The following SOX6 variants were observed in gnomAD, a reference collection of about 807,000 sequenced individuals.
SOX6 encodes SRY-box transcription factor 6.
SOX6 carries 11 observed loss-of-function variants against 97.8 expected under a neutral mutation model. That is an observed-to-expected ratio of 0.11 (90% CI 0.07 to 0.19). SOX6 has a LOEUF of 0.19. Ranked by LOEUF, SOX6 falls within the 10% of genes least tolerant of loss-of-function variation. The pLI, the probability that SOX6 is intolerant of heterozygous loss-of-function variation, is 1.00. For synonymous variants in SOX6, 360 were observed against 371.4 expected, an observed-to-expected ratio of 0.97 and a Z score of 0.35; for missense variants, 810 against 1,039.5, an observed-to-expected ratio of 0.78 and a Z score of 3.04.
At chr11:16,451,701 T>C (rs571658337) in intron 1 of SOX6, among the ~76,000 whole-genome samples, 1 of 152,284 alleles carries the variant, frequency 6.6e-6, no homozygotes, top group East Asian at 1.9e-4. Context: ...TCCATCATTC[T>C]GGGTATTGTG....
At chr11:16,047,998 C>T (rs1847581545) in intron 11 of SOX6, among the ~76,000 whole-genome samples, 1 of 152,100 alleles carries the variant, frequency 6.6e-6, no homozygotes, top group East Asian at 1.9e-4. Flanking sequence ...GCTATTACTT[C>T]AGCCCATTTC....
chr11:16,558,913 T>G (rs1847778094), intron 4 of SOX6, among the ~76,000 whole-genome samples: 1 of 152,076 alleles, frequency 6.6e-6, no homozygotes, highest in Non-Finnish European at 1.5e-5. Flanking sequence ...AAAAAGTGAT[T>G]TTTTAGCATC....
At chr11:16,662,243 C>A (rs1366914064) in intron 3 of SOX6, among the ~76,000 whole-genome samples, 2 of 152,120 alleles carry the variant, frequency 1.3e-5, no homozygotes, top group East Asian at 3.9e-4. Flanking sequence ...CTGAGAAAGT[C>A]ATTATCTTGC....
At chr11:16,006,674 C>A (rs1017767920) in intron 13 of SOX6, among the ~76,000 whole-genome samples, 2 of 152,040 alleles carry the variant, frequency 1.3e-5, no homozygotes, top group Non-Finnish European at 2.9e-5. Flanking sequence ...CTCTAAATAG[C>A]AGTTCTTTTC....
chr11:16,644,751 A>C (rs1237537880), intron 3 of SOX6, among the ~76,000 whole-genome samples: 6 of 152,184 alleles, frequency 3.9e-5, no homozygotes, highest in Admixed American at 6.5e-5. Flanking sequence ...TGGGTGTAGG[A>C]GTCCATAGTA....
chr11:15,986,606 C>G lies in SOX6; in HGVS notation c.1967-186G>C, dbSNP rs186134956. 5.6e-4 allele frequency among the ~76,000 whole-genome samples: 86 copies of G among 152,250 alleles called. 2 individuals are homozygous for G. In the East Asian group the frequency reaches 0.015, roughly 26 times the overall value. ...ACAAAGAACAATTTTGCGTATGATACTTTCTTGTGTTATTTATCTCAATAG... is the reference window on the plus strand; with the variant it reads ...ACAAAGAACAATTTTGCGTATGATAGTTTCTTGTGTTATTTATCTCAATAG... On this transcript the variant is annotated intron_variant, in intron 14 of 15. Coordinates refer to ENST00000683767, the MANE Select transcript of SOX6 (RefSeq NM_001367873.1).
intron 1 of SOX6, among the ~76,000 whole-genome samples, chr11:16,441,878 T>C (rs565256082): frequency 1.3e-5 from 2 of 152,294 alleles, no homozygotes; most frequent in African/African-American, 4.8e-5. Flanking sequence ...AAGACATTCT[T>C]AAGGTGAAAA....
At chr11:16,483,144 C>T (rs73433594) in intron 4 of SOX6, among the ~76,000 whole-genome samples, 1,971 of 152,300 alleles carry the variant, frequency 0.013, 23 homozygotes, top group South Asian at 0.035. Flanking sequence ...CACTGATCTA[C>T]TCTGATACTC....
At chr11:16,082,001 T>C (rs1288919552) in intron 9 of SOX6, among the ~76,000 whole-genome samples, 1 of 152,194 alleles carries the variant, frequency 6.6e-6, no homozygotes, top group Non-Finnish European at 1.5e-5. Flanking sequence ...CACACAGATA[T>C]GAATAGACTT....
intron 3 of SOX6, chr11:16,264,401 T>G (rs942970636): frequency 1.1e-4 from 17 of 151,970 alleles, no homozygotes; most frequent in Non-Finnish European, 1.8e-4. Flanking sequence ...CATACCAAAT[T>G]ACAGATAGTT....
chr11:16,170,902 G>A lies in SOX6; in HGVS notation c.777+12984C>T, dbSNP rs185129514. Among the ~76,000 whole-genome samples the A allele has an allele frequency of 2.7e-3, 406 of 151,882 alleles. 3 individuals carry two copies. The highest frequency in any genetic ancestry group is 8.8e-3 in the Admixed American group (134 of 15,232). ...ATTTCCCACCTATTTCTCCCCCTAC[G>A]GAAAAACATGAAGGCTATGGGAAAA... On this transcript the variant is annotated intron_variant, in intron 6 of 15. Transcript: ENST00000683767.
At chr11:16,283,067 ATATGTAAATTATATATAATTTG>A (rs1854615755) in intron 3 of SOX6, among the ~76,000 whole-genome samples, 1 of 128,296 alleles carries the variant, frequency 7.8e-6, no homozygotes, top group Non-Finnish European at 1.6e-5. Context: ...ATTTGTATAT[ATATGTAAATTATATATAATTTG>A]TATATATATA....
At chr11:16,334,352 T>C (rs1244007412) in intron 2 of SOX6, among the ~76,000 whole-genome samples, 1 of 152,050 alleles carries the variant, frequency 6.6e-6, no homozygotes, top group African/African-American at 2.4e-5. Flanking sequence ...GACTGGAGTG[T>C]GTTAATCAGC....
In SOX6 at chr11:15,966,997, T is replaced by C. The variant is rs1204026234; in HGVS notation, c.*5812A>G. The C allele has an allele frequency of 1.3e-5, 2 of 152,222 alleles. No homozygotes were observed. The highest frequency in any genetic ancestry group is 2.4e-5 in the African/African-American group (1 of 41,446). 9.4% of individuals were successfully genotyped at this position (152,222 alleles called of 1,614,324 possible). ...AGAGGAGAGTGTGAGAAAGATGTGA[T>C]GGCAACCCTTAAGGTCATTTAAAAA... On this transcript the variant is annotated 3_prime_UTR_variant, in exon 16 of 16. Coordinates refer to ENST00000683767, the MANE Select transcript of SOX6 (RefSeq NM_001367873.1).
At chr11:16,388,415 G>A (rs529493643) in intron 1 of SOX6, among the ~76,000 whole-genome samples, 16 of 152,196 alleles carry the variant, frequency 1.1e-4, no homozygotes, top group African/African-American at 3.8e-4. Context: ...TTAGGGTTAT[G>A]CTGGCCTCAT....
intron 15 of SOX6, among the ~76,000 whole-genome samples, chr11:15,975,818 G>A (rs924282503): frequency 7.0e-6 from 1 of 142,130 alleles, no homozygotes. Context: ...AGAAAGGCAA[G>A]CTCACACTAT....
chr11:16,553,064 G>A (rs764618197), intron 4 of SOX6, among the ~76,000 whole-genome samples: 13 of 152,184 alleles, frequency 8.5e-5, no homozygotes, highest in Non-Finnish European at 1.8e-4. Flanking sequence ...CTAAAGGACC[G>A]AAACATGGAC....
intron 1 of SOX6, among the ~76,000 whole-genome samples, chr11:16,378,937 T>C (rs1565121607): frequency 6.6e-6 from 1 of 152,052 alleles, no homozygotes; most frequent in African/African-American, 2.4e-5. Context: ...CTATTCTAAA[T>C]ATTTTTTATA....
upstream of SOX6, among the ~76,000 whole-genome samples, chr11:16,480,901 T>C (rs976940532): frequency 2.0e-5 from 3 of 152,180 alleles, no homozygotes; most frequent in Non-Finnish European, 4.4e-5. Context: ...TTACTAATAT[T>C]ATACATAGTG....
Sources: gnomAD v4.1 joint callset for allele counts (sites outside exome capture counted in the v4.1 genomes callset) on GRCh38, gnomAD v4.1.1 for gene constraint, MANE v1.5 for transcripts, NCBI Gene and HGNC (gene_info 2026-07-23, HGNC 2026-07-21) for gene names.